The following POTEE variants were observed in gnomAD, a reference collection of about 807,000 sequenced individuals.
POTEE encodes POTE ankyrin domain family member E.
A neutral mutation model predicts 74.2 loss-of-function variants in POTEE; 21 were observed. The observed-to-expected ratio is 0.28, with a 90% CI of 0.20 to 0.41. The LOEUF (loss-of-function observed/expected upper bound fraction) is 0.41, where lower values mean the gene tolerates loss of function less well. Ranked by LOEUF, POTEE falls within the 10% of genes least tolerant of loss-of-function variation. The pLI is 1.00. For synonymous variants in POTEE, 211 were observed against 432.8 expected, an observed-to-expected ratio of 0.49 and a Z score of 6.36; for missense variants, 525 against 1,158.6, an observed-to-expected ratio of 0.45 and a Z score of 7.94.
At position 131,219,814 on chromosome 2, in the gene POTEE, C is replaced by T. The variant is rs544185672; in HGVS notation, c.521+891C>T. On this transcript the variant is annotated intron_variant, in intron 4 of 17. Transcript: ENST00000683005. The stretch of plus-strand genomic sequence containing the variant: ...CCAAATAAAAATAGCAAAGTTTTAG[C>T]GTTTTTAAATTACACATGCTGTCTT... Among the ~76,000 whole-genome samples the T allele has an allele frequency of 4.5e-3, 688 of 151,418 alleles. 5 individuals are homozygous for T. Among genetic ancestry groups the T allele is most frequent in the African/African-American group, 0.016 (651 of 41,276 alleles).
chr2:131,263,028 C>T (rs1225053354), intron 17 of POTEE, among the ~76,000 whole-genome samples: 3 of 151,694 alleles, frequency 2.0e-5, no homozygotes, highest in Non-Finnish European at 2.9e-5. Context: ...TTTTTTGTAA[C>T]TCAGAAAAAG....
At chr2:131,262,991 A>G (rs542580784) in intron 17 of POTEE, among the ~76,000 whole-genome samples, 16 of 152,062 alleles carry the variant, frequency 1.1e-4, no homozygotes, top group African/African-American at 3.6e-4. Context: ...TAGTCAAATT[A>G]TTAATCTTAT....
At chr2:131,231,853 A>C (rs941624674) in intron 9 of POTEE, among the ~76,000 whole-genome samples, 4 of 152,180 alleles carry the variant, frequency 2.6e-5, no homozygotes, top group Non-Finnish European at 5.9e-5. Flanking sequence ...TTTATAGTCC[A>C]AACTGTATGA....
intron 9 of POTEE, among the ~76,000 whole-genome samples, chr2:131,236,472 C>T: frequency 6.6e-6 from 1 of 152,040 alleles, no homozygotes; most frequent in Non-Finnish European, 1.5e-5. Context: ...TTACATGCTT[C>T]TACTGTATTT....
At chr2:131,221,673 T>C (rs1485668497) in intron 4 of POTEE, among the ~76,000 whole-genome samples, 1 of 152,248 alleles carries the variant, frequency 6.6e-6, no homozygotes, top group East Asian at 1.9e-4. Flanking sequence ...GTTTACCTGT[T>C]CCTGTAGATT....
rs1381783717 is a variant in POTEE, at chr2:131,263,732, G to A, written c.2277G>A (p.Gln759=). Reference sequence around the variant, plus strand: ...AGTCCTATGTGGGCAAGGAGGCCCAGAGCAAGAGAGGCATCCTGACCCTGA... The same window carrying A: ...AGTCCTATGTGGGCAAGGAGGCCCAAAGCAAGAGAGGCATCCTGACCCTGA... The part of the protein sequence containing the change: ...QKESYVGKEA[Q]SKRGILTLKY... Residue 759 remains glutamine (Q), a synonymous_variant, in exon 18 of 18, where the codon CAG becomes CAA. Transcript: ENST00000683005. The A allele has an allele frequency of 4.3e-6, 7 of 1,611,458 alleles. No homozygotes were observed. The highest frequency in any genetic ancestry group is 1.7e-5 in the Admixed American group (1 of 59,936).
chr2:131,236,231 G>A (rs1701129531), intron 9 of POTEE, among the ~76,000 whole-genome samples: 1 of 152,138 alleles, frequency 6.6e-6, no homozygotes, highest in African/African-American at 2.4e-5. Context: ...AGGGGAGACA[G>A]TAAAGGATTT....
chr2:131,223,523 C>T, intron 4 of POTEE, 73 bp from the exon 5 acceptor site: 6 of 1,561,816 alleles, frequency 3.8e-6, no homozygotes, highest in Non-Finnish European at 5.2e-6. Flanking sequence ...TCAGTGTTTG[C>T]AGTTACATGA....
chr2:131,237,838 T>C (rs1239573703), intron 10 of POTEE, among the ~76,000 whole-genome samples: 1 of 152,292 alleles, frequency 6.6e-6, no homozygotes, highest in Non-Finnish European at 1.5e-5. Context: ...AATCATCTGC[T>C]GATTCATTTT....
chr2:131,230,614 C>A (rs1008172006), intron 8 of POTEE, among the ~76,000 whole-genome samples: 2 of 152,152 alleles, frequency 1.3e-5, no homozygotes, highest in African/African-American at 4.8e-5. Context: ...TACTGGGTCA[C>A]AGTGCCCTCG....
chr2:131,263,857 A>T lies in POTEE; in HGVS notation c.2402A>T (p.His801Leu). The change falls in exon 18 of 18, where the codon CAC becomes CTC. Residue 801 changes from histidine (H) to leucine (L), a missense_variant. His to Leu is a moderately conservative substitution (Grantham distance 99). Coordinates refer to ENST00000683005, the MANE Select transcript of POTEE (RefSeq NM_001083538.3). ...YNELRVAPEE[H>L]PILLTEAPLN... Reference sequence around the variant, plus strand: ...GAGCTGCGTGTGGCTCCCGAGGAGCACCCCATCCTGCTGACCGAGGCCCCC... The same window carrying T: ...GAGCTGCGTGTGGCTCCCGAGGAGCTCCCCATCCTGCTGACCGAGGCCCCC... The T allele has an allele frequency of 6.2e-7, 1 of 1,614,128 alleles. No individual in the cohort carries two copies. The highest frequency in any genetic ancestry group is 2.2e-5 in the East Asian group (1 of 44,866).
chr2:131,235,678 G>C (rs1573720566), intron 9 of POTEE, among the ~76,000 whole-genome samples: 2 of 150,764 alleles, frequency 1.3e-5, no homozygotes, highest in African/African-American at 4.9e-5. Flanking sequence ...TGTAATCCCA[G>C]CTTCTCCGGA....
intron 3 of POTEE, 73 bp from the exon 4 acceptor site, chr2:131,218,237 G>C (rs925762244): frequency 5.1e-6 from 6 of 1,186,942 alleles, no homozygotes; most frequent in Non-Finnish European, 7.0e-6. Context: ...TTCCCTGGGT[G>C]GGGTGGGCTG....
intron 10 of POTEE, among the ~76,000 whole-genome samples, chr2:131,237,554 G>T (rs1291145076): frequency 6.6e-6 from 1 of 151,716 alleles, no homozygotes; most frequent in African/African-American, 2.4e-5. Flanking sequence ...TTTATCCACT[G>T]TAATTAGTAC....
At chr2:131,227,457 G>GTATGTTTTTTTTTTC (rs1218835511) in intron 7 of POTEE, among the ~76,000 whole-genome samples, 2 of 130,030 alleles carry the variant, frequency 1.5e-5, no homozygotes, top group Non-Finnish European at 3.1e-5. Flanking sequence ...GGGTTCAACA[G>GTATGTTTTTTTTTTC]CTTTTTTCCT....
chr2:131,210,754 G>A (rs1297363390), intron 1 of POTEE, among the ~76,000 whole-genome samples: 1 of 148,830 alleles, frequency 6.7e-6, no homozygotes, highest in Admixed American at 6.7e-5. Context: ...GTTGAGTGGG[G>A]AGGGCTGGCT....
chr2:131,210,106 G>A (rs1210800705), intron 1 of POTEE, among the ~76,000 whole-genome samples: 45 of 148,622 alleles, frequency 3.0e-4, no homozygotes, highest in African/African-American at 7.3e-4. Context: ...GCCCGGGGCA[G>A]GGAGTGGTTT....
chr2:131,232,183 CTTTAT>C (rs1700983956), intron 9 of POTEE, among the ~76,000 whole-genome samples: 1 of 128,152 alleles, frequency 7.8e-6, no homozygotes, highest in Non-Finnish European at 1.6e-5. Context: ...TATTTTACTA[CTTTAT>C]TCAGTGCTTA....
intron 2 of POTEE, among the ~76,000 whole-genome samples, chr2:131,212,147 C>T (rs962769839): frequency 6.6e-6 from 1 of 151,618 alleles, no homozygotes; most frequent in Non-Finnish European, 1.5e-5. Flanking sequence ...TTTAAAATAA[C>T]TGGTCCTTTA....
Sources: allele counts gnomAD v4.1 joint callset (sites outside exome capture counted in the v4.1 genomes callset), GRCh38; gene constraint gnomAD v4.1.1; transcripts MANE v1.5; gene names NCBI Gene and HGNC (gene_info 2026-07-23, HGNC 2026-07-21).